LDB2: variants seen among roughly 807,000 people sequenced by gnomAD.
LDB2 encodes the protein LIM domain binding 2.
Under a neutral mutation model 44.3 loss-of-function variants are expected in LDB2, and 12 were observed. That is an observed-to-expected ratio of 0.27 (90% confidence interval 0.17 to 0.44). LDB2 has a LOEUF of 0.44. LDB2 is among the 20% of genes least tolerant of loss of function. LDB2 has a pLI of 1.00. For synonymous variants in LDB2, 164 were observed against 174.8 expected (o/e 0.94, Z 0.49); for missense variants, 344 against 473.5 (o/e 0.73, Z 2.54).
intron 1 of LDB2, among the ~76,000 whole-genome samples, chr4:16,873,630 T>TG (rs1375994542): frequency 2.0e-5 from 3 of 152,240 alleles, no homozygotes; most frequent in African/African-American, 7.2e-5. Flanking sequence ...ATTTTGGCAT[T>TG]TCTTAATATT....
chr4:16,524,613 A>T (rs905425657), intron 5 of LDB2, among the ~76,000 whole-genome samples: 1 of 152,168 alleles, frequency 6.6e-6, no homozygotes, highest in Non-Finnish European at 1.5e-5. Context: ...TTTCTGCCCC[A>T]TAGAGGAGCT....
At chr4:16,612,486 GA>G (rs1725942457) in intron 2 of LDB2, among the ~76,000 whole-genome samples, 1 of 151,636 alleles carries the variant, frequency 6.6e-6, no homozygotes. Context: ...AAGAAGAAGA[GA>G]AAAAAGAATC....
intron 2 of LDB2, among the ~76,000 whole-genome samples, chr4:16,642,091 G>A (rs1735345955): frequency 6.6e-6 from 1 of 152,134 alleles, no homozygotes; most frequent in South Asian, 2.1e-4. Flanking sequence ...ATTCTGAAGT[G>A]GAAAGGAGAG....
chr4:16,650,153 C>T (rs1737864197), intron 2 of LDB2, among the ~76,000 whole-genome samples: 1 of 152,164 alleles, frequency 6.6e-6, no homozygotes, highest in South Asian at 2.1e-4. Flanking sequence ...CCTGGCACCA[C>T]CACTTCCAAG....
At chr4:16,601,253 T>C (rs1722502150) in intron 2 of LDB2, among the ~76,000 whole-genome samples, 1 of 152,172 alleles carries the variant, frequency 6.6e-6, no homozygotes, top group Admixed American at 6.5e-5. Context: ...TCTTGGTAAA[T>C]ACCCTTACCA....
intron 5 of LDB2, among the ~76,000 whole-genome samples, chr4:16,560,579 C>T (rs1383458973): frequency 6.6e-6 from 1 of 152,140 alleles, no homozygotes; most frequent in Admixed American, 6.5e-5. Flanking sequence ...TAATCAATAG[C>T]TTACCAACCA....
At chr4:16,788,812 A>C (rs1775063275) in intron 1 of LDB2, among the ~76,000 whole-genome samples, 2 of 152,322 alleles carry the variant, frequency 1.3e-5, no homozygotes, top group Non-Finnish European at 2.9e-5. Flanking sequence ...GATGGGTGTT[A>C]CCCTGCCTCC....
intron 1 of LDB2, among the ~76,000 whole-genome samples, chr4:16,835,217 T>C (rs1445616353): frequency 6.6e-6 from 1 of 152,214 alleles, no homozygotes; most frequent in Non-Finnish European, 1.5e-5. Flanking sequence ...TGTTTGCCCG[T>C]ATAACCACTA....
At chr4:16,785,512 T>C (rs928523897) in intron 1 of LDB2, among the ~76,000 whole-genome samples, 2 of 152,170 alleles carry the variant, frequency 1.3e-5, no homozygotes, top group Non-Finnish European at 2.9e-5. Flanking sequence ...CAAAATGTAA[T>C]GTGGCAGCAT....
intron 1 of LDB2, among the ~76,000 whole-genome samples, chr4:16,795,054 G>A (rs552708862): frequency 3.3e-5 from 5 of 152,288 alleles, no homozygotes; most frequent in Admixed American, 1.3e-4. Flanking sequence ...CGCTAGGAGC[G>A]GGGAAGACAT....
chr4:16,745,328 G>A (rs1430669396), intron 2 of LDB2, among the ~76,000 whole-genome samples: 1 of 152,200 alleles, frequency 6.6e-6, no homozygotes, highest in Admixed American at 6.5e-5. Flanking sequence ...CAGAGCCCAG[G>A]CGGGGAGACT....
intron 2 of LDB2, among the ~76,000 whole-genome samples, chr4:16,604,377 A>T (rs1407733237): frequency 6.6e-6 from 1 of 151,840 alleles, no homozygotes; most frequent in East Asian, 1.9e-4. Context: ...ATTCCCAAAT[A>T]TTGATATTTT....
At chr4:16,508,377 T>A (rs1474610618) in intron 7 of LDB2, among the ~76,000 whole-genome samples, 158 bp downstream of exon 7, 2 of 151,838 alleles carry the variant, frequency 1.3e-5, no homozygotes, top group African/African-American at 4.8e-5. Context: ...AGTTCCTCCC[T>A]CCCATCCCAA....
chr4:16,726,607 T>C (rs1483245046), intron 2 of LDB2: 1 of 152,168 alleles, frequency 6.6e-6, no homozygotes, highest in African/African-American at 2.4e-5. Flanking sequence ...GTGCGTTAAG[T>C]AAAATGCTGA....
chr4:16,621,295 C>G (rs144903954), intron 2 of LDB2, among the ~76,000 whole-genome samples: 1 of 152,186 alleles, frequency 6.6e-6, no homozygotes, highest in Non-Finnish European at 1.5e-5. Context: ...CATCTTGTAA[C>G]ATGAGCTCTG....
chr4:16,692,859 G>A (rs1313173546), intron 2 of LDB2, among the ~76,000 whole-genome samples: 2 of 152,222 alleles, frequency 1.3e-5, no homozygotes, highest in Admixed American at 6.5e-5. Flanking sequence ...CACATGAAAA[G>A]CATGAAGCTG....
intron 1 of LDB2, among the ~76,000 whole-genome samples, chr4:16,867,304 C>T (rs1348699098): frequency 6.6e-6 from 1 of 152,150 alleles, no homozygotes; most frequent in Non-Finnish European, 1.5e-5. Context: ...CAATCTAATA[C>T]AATACAGTAA....
intron 5 of LDB2, among the ~76,000 whole-genome samples, chr4:16,542,393 G>A (rs540887178): frequency 1.5e-3 from 227 of 152,304 alleles, no homozygotes; most frequent in African/African-American, 5.1e-3. Context: ...AATGAGGATA[G>A]CAGGTTTGAT....
intron 1 of LDB2, chr4:16,889,224 GC>G (rs1169001365): frequency 6.6e-6 from 1 of 151,996 alleles, no homozygotes; most frequent in Non-Finnish European, 1.5e-5. Context: ...CTGATTAATG[GC>G]CCCGAAAGCA....
Sources: allele counts gnomAD v4.1 joint callset (sites outside exome capture counted in the v4.1 genomes callset), GRCh38; gene constraint gnomAD v4.1.1; transcripts MANE v1.5; gene names NCBI Gene and HGNC (gene_info 2026-07-23, HGNC 2026-07-21).